The following FAM81A variants were observed in gnomAD, a reference collection of about 807,000 sequenced individuals.
The protein encoded by FAM81A is family with sequence similarity 81 member A.
A neutral mutation model predicts 46.7 loss-of-function variants in FAM81A; 19 were observed. The observed-to-expected ratio is 0.41, with a 90% confidence interval of 0.28 to 0.60. The LOEUF is 0.60. Among genes scored for constraint, FAM81A ranks in the 20% least tolerant of loss-of-function variants. The pLI, the probability that FAM81A is intolerant of heterozygous loss-of-function variation, is 0.34. For synonymous variants in FAM81A, 183 were observed against 152.9 expected, an observed-to-expected ratio of 1.20 and a Z score of -1.45; for missense variants, 377 against 453.5, an observed-to-expected ratio of 0.83 and a Z score of 1.53.
chr15:59,453,794 AGG>A (rs2081448858), intron 1 of FAM81A, among the ~76,000 whole-genome samples: 1 of 151,980 alleles, frequency 6.6e-6, no homozygotes, highest in South Asian at 2.1e-4. Context: ...GAGCTGGAAG[AGG>A]GTAGGGAGGG....
At chr15:59,423,597 G>T (rs557650068) in intron 2 of FAM81A, among the ~76,000 whole-genome samples, 1 of 152,232 alleles carries the variant, frequency 6.6e-6, no homozygotes, top group Admixed American at 6.5e-5. Context: ...TGTGACAAAA[G>T]GGAATTATGG....
intron 1 of FAM81A, among the ~76,000 whole-genome samples, chr15:59,449,789 A>C (rs1212118874): frequency 7.4e-5 from 11 of 148,268 alleles, no homozygotes; most frequent in African/African-American, 1.8e-4. Flanking sequence ...CTCAAAAAAA[A>C]AAAAAAAAAA....
At chr15:59,448,719 G>A (rs1156910016) in intron 1 of FAM81A, among the ~76,000 whole-genome samples, 1 of 152,116 alleles carries the variant, frequency 6.6e-6, no homozygotes, top group Non-Finnish European at 1.5e-5. Context: ...CCAAGCTGGA[G>A]TGCAGTGTCA....
At chr15:59,471,622 C>G (rs2081691796) in intron 3 of FAM81A, among the ~76,000 whole-genome samples, 1 of 130,780 alleles carries the variant, frequency 7.6e-6, no homozygotes, top group Non-Finnish European at 1.6e-5. Flanking sequence ...CTACCATGCC[C>G]TGCTAATTTT....
intron 3 of FAM81A, among the ~76,000 whole-genome samples, chr15:59,476,225 ATT>A (rs778127240): frequency 1.1e-4 from 16 of 140,946 alleles, no homozygotes; most frequent in Admixed American, 1.4e-4. Context: ...TTAACCTACA[ATT>A]TTTTTTTTTT....
At chr15:59,498,739 C>T (rs1229187774) in intron 4 of FAM81A, among the ~76,000 whole-genome samples, 2 of 152,172 alleles carry the variant, frequency 1.3e-5, no homozygotes, top group Admixed American at 6.5e-5. Flanking sequence ...CTGCCCCCTC[C>T]GCCCCTCCAG....
chr15:59,411,549 CAA>C (rs1170712432), intron 2 of FAM81A, among the ~76,000 whole-genome samples: 1 of 152,174 alleles, frequency 6.6e-6, no homozygotes, highest in African/African-American at 2.4e-5. Context: ...AGGGAAAAGA[CAA>C]AAGTTTCAGA....
intron 3 of FAM81A, among the ~76,000 whole-genome samples, chr15:59,484,202 T>A (rs1423020463): frequency 6.6e-6 from 1 of 152,142 alleles, no homozygotes; most frequent in Admixed American, 6.5e-5. Context: ...AGGCCTTGAA[T>A]AAAAAATAAT....
intron 4 of FAM81A, among the ~76,000 whole-genome samples, chr15:59,502,765 G>T (rs965631315): frequency 1.3e-5 from 2 of 151,602 alleles, no homozygotes; most frequent in South Asian, 2.1e-4. Context: ...CAGGTAATCC[G>T]CCCACCTCGC....
At chr15:59,488,277 A>C (rs1219768872) in intron 3 of FAM81A, among the ~76,000 whole-genome samples, 1 of 152,218 alleles carries the variant, frequency 6.6e-6, no homozygotes, top group African/African-American at 2.4e-5. Flanking sequence ...ATCTCAACAT[A>C]ATAAAAGCCA....
intron 3 of FAM81A, among the ~76,000 whole-genome samples, chr15:59,464,237 A>T (rs1278591122): frequency 6.6e-6 from 1 of 152,152 alleles, no homozygotes; most frequent in Non-Finnish European, 1.5e-5. Context: ...CCTAGGTTTG[A>T]TTCCATATCT....
intron 1 of FAM81A, among the ~76,000 whole-genome samples, chr15:59,440,438 G>A (rs1188563832): frequency 1.3e-5 from 2 of 152,100 alleles, no homozygotes; most frequent in East Asian, 3.9e-4. Flanking sequence ...CCAAAAAAGG[G>A]ATAAACAAAC....
chr15:59,457,985 A>C (rs1410551123), intron 1 of FAM81A, among the ~76,000 whole-genome samples: 4 of 152,246 alleles, frequency 2.6e-5, no homozygotes, highest in Admixed American at 1.3e-4. Context: ...ATCTTATTAT[A>C]AAGTTTTCAA....
intron 8 of FAM81A, among the ~76,000 whole-genome samples, chr15:59,518,986 AC>A (rs1157760007): frequency 2.0e-5 from 3 of 151,076 alleles, no homozygotes; most frequent in Non-Finnish European, 3.0e-5. Context: ...TGGCAAGAAC[AC>A]CTGAAAATGT....
At chr15:59,452,174 C>A (rs2081426838) in intron 1 of FAM81A, among the ~76,000 whole-genome samples, 1 of 152,160 alleles carries the variant, frequency 6.6e-6, no homozygotes, top group Admixed American at 6.5e-5. Context: ...TTGCAGTGTT[C>A]CCATTGGCTT....
intron 3 of FAM81A, among the ~76,000 whole-genome samples, chr15:59,470,531 C>T (rs984976574): frequency 1.3e-5 from 2 of 152,140 alleles, no homozygotes; most frequent in African/African-American, 2.4e-5. Flanking sequence ...ACGAAGTTCT[C>T]GTGCCATGGT....
rs141336420 is a variant in FAM81A at position 59,410,172 on chromosome 15, C to A, written c.-78+7814C>A. 1.7e-3 allele frequency among the ~76,000 whole-genome samples: 260 copies of A among 152,118 alleles called. 1 individual carries two copies. The highest frequency in any genetic ancestry group is 5.9e-3 in the African/African-American group (245 of 41,484). ...ATTTGTCAGGCATGGTGGCGTGCACCTGTAGTCCCAGCTACCTAGGAGGCT... is the reference window on the plus strand; with the variant it reads ...ATTTGTCAGGCATGGTGGCGTGCACATGTAGTCCCAGCTACCTAGGAGGCT... On this transcript the variant is annotated intron_variant, in intron 2 of 4. Transcript: ENST00000558348.
At chr15:59,405,885 C>T (rs757296270) in intron 2 of FAM81A, among the ~76,000 whole-genome samples, 8 of 152,158 alleles carry the variant, frequency 5.3e-5, no homozygotes, top group East Asian at 1.9e-4. Context: ...TCAGTTGTCC[C>T]GATTATGTCT....
At chr15:59,443,135 C>T (rs564759893) in intron 1 of FAM81A, among the ~76,000 whole-genome samples, 4 of 152,286 alleles carry the variant, frequency 2.6e-5, no homozygotes, top group South Asian at 2.1e-4. Flanking sequence ...CAGGGCGGAA[C>T]GCAATGGCAC....
Sources: gnomAD v4.1 joint callset for allele counts (sites outside exome capture counted in the v4.1 genomes callset) on GRCh38, gnomAD v4.1.1 for gene constraint, MANE v1.5 for transcripts, NCBI Gene and HGNC (gene_info 2026-07-23, HGNC 2026-07-21) for gene names.